The following EYS variants were observed in gnomAD, a reference collection of about 807,000 sequenced individuals.
The protein encoded by EYS is protein eyes shut homolog.
EYS carries 250 observed loss-of-function variants against 282.1 expected under a neutral mutation model. The ratio of observed to expected loss-of-function variants is 0.89; its 90% confidence interval spans 0.80 to 0.98. The LOEUF (loss-of-function observed/expected upper bound fraction) is 0.98, where lower values mean the gene tolerates loss of function less well. Among genes scored for constraint, EYS ranks in the 50% least tolerant of loss-of-function variants. The pLI is 0.00. For missense variants in EYS, 4,016 were observed against 3,709.0 expected, an observed-to-expected ratio of 1.08 and a Z score of -2.15; for synonymous variants, 1,355 against 1,282.9, an observed-to-expected ratio of 1.06 and a Z score of -1.20.
At chr6:64,144,443 T>C (rs74424751) in intron 31 of EYS, among the ~76,000 whole-genome samples, 4,267 of 152,210 alleles carry the variant, frequency 0.028, 63 homozygotes, top group Non-Finnish European at 0.045. Context: ...ACTGGTCCTG[T>C]TTTATGCACT....
chr6:65,207,081 AATT>A (rs959936074), intron 12 of EYS, among the ~76,000 whole-genome samples: 23 of 151,804 alleles, frequency 1.5e-4, no homozygotes, highest in African/African-American at 5.6e-4. Context: ...CAGGAAGTCA[AATT>A]ATCTCTATTC....
intron 13 of EYS, among the ~76,000 whole-genome samples, chr6:64,999,746 A>G (rs1771401049): frequency 6.6e-6 from 1 of 152,180 alleles, no homozygotes; most frequent in Non-Finnish European, 1.5e-5. Context: ...AGGTGGCTGC[A>G]CATCAGGAGG....
At chr6:65,341,179 C>T (rs1239757861) in intron 10 of EYS, among the ~76,000 whole-genome samples, 1 of 151,120 alleles carries the variant, frequency 6.6e-6, no homozygotes, top group East Asian at 1.9e-4. Flanking sequence ...CAGATGATCA[C>T]ATCACTCTGG....
intron 12 of EYS, among the ~76,000 whole-genome samples, chr6:65,142,192 A>C (rs1486431534): frequency 6.6e-6 from 1 of 152,032 alleles, no homozygotes; most frequent in East Asian, 1.9e-4. Context: ...GTACCCCTCA[A>C]ATATACACAA....
intron 28 of EYS, among the ~76,000 whole-genome samples, chr6:64,433,698 A>C (rs1774644780): frequency 6.6e-6 from 1 of 152,070 alleles, no homozygotes; most frequent in South Asian, 2.1e-4. Context: ...AGTATTCTTA[A>C]AAGTGACATT....
At chr6:65,318,297 C>T (rs527309634) in intron 11 of EYS, among the ~76,000 whole-genome samples, 15 of 151,640 alleles carry the variant, frequency 9.9e-5, no homozygotes, top group Non-Finnish European at 2.9e-5. Context: ...GAGAGAGCGA[C>T]AAAGACACAA....
chr6:63,777,144 G>T (rs1222338123), intron 40 of EYS, among the ~76,000 whole-genome samples: 1 of 152,160 alleles, frequency 6.6e-6, no homozygotes, highest in Non-Finnish European at 1.5e-5. Context: ...AAATTTTACT[G>T]TGACTAGCAG....
intron 22 of EYS, among the ~76,000 whole-genome samples, chr6:64,700,505 T>C (rs1202814957): frequency 6.6e-6 from 1 of 152,010 alleles, no homozygotes; most frequent in Non-Finnish European, 1.5e-5. Flanking sequence ...GCAAAAGCTT[T>C]CTAGATTTGA....
intron 35 of EYS, among the ~76,000 whole-genome samples, chr6:63,955,635 TA>T (rs34534751): frequency 1.3e-5 from 2 of 152,022 alleles, no homozygotes; most frequent in African/African-American, 4.8e-5. Flanking sequence ...ACTTACTGCT[TA>T]AAAAAAGAGG....
chr6:65,490,700 A>G lies in EYS; in HGVS notation c.756T>C (p.Asn252=). The change falls in exon 5 of 43, where the codon AAT becomes AAC. Residue 252 remains asparagine (N), a synonymous_variant. Transcript: ENST00000503581. ...CVCHPPFTGK[N]CSEIIGQCQP... is the part of the protein sequence containing the mutation. Reference sequence around the variant, plus strand: ...GACACTGGCCAATTATTTCTGAGCAATTCTTTCCTATAACAATGAAAAAAA... The same window carrying G: ...GACACTGGCCAATTATTTCTGAGCAGTTCTTTCCTATAACAATGAAAAAAA... 2 of 1,608,148 alleles carry G rather than the reference A, an allele frequency of 1.2e-6. No homozygotes were observed. Among genetic ancestry groups the G allele is most frequent in the Non-Finnish European group, 1.7e-6 (2 of 1,175,032 alleles).
intron 13 of EYS, among the ~76,000 whole-genome samples, chr6:65,027,057 A>C (rs1289432745): frequency 6.7e-6 from 1 of 150,278 alleles, no homozygotes; most frequent in Non-Finnish European, 1.5e-5. Context: ...CTTGGCTACC[A>C]TTTATAATTT....
At position 64,686,431 on chromosome 6, in the gene EYS, A is replaced by G. The variant is rs539075939; in HGVS notation, c.3444-60186T>C. Among the ~76,000 whole-genome samples, 9 of 152,012 alleles carry G rather than the reference A, an allele frequency of 5.9e-5. No homozygotes were observed. In the South Asian group the frequency reaches 1.9e-3, roughly 31 times the overall value. ...TTACCAATATGATAAATGAAATAGA[A>G]TTATATAAATATTAAAATGATTATA... is the stretch of plus-strand genomic sequence containing the variant. On this transcript the variant is annotated intron_variant, in intron 22 of 42. Transcript: ENST00000503581.
intron 5 of EYS, among the ~76,000 whole-genome samples, chr6:65,418,841 G>GA (rs559770691): frequency 7.9e-5 from 12 of 151,982 alleles, no homozygotes; most frequent in African/African-American, 2.9e-4. Flanking sequence ...GAAATAAAGA[G>GA]AAAAAATCTG....
chr6:64,455,124 C>G (rs1775510522), intron 26 of EYS, among the ~76,000 whole-genome samples: 1 of 152,056 alleles, frequency 6.6e-6, no homozygotes, highest in South Asian at 2.1e-4. Flanking sequence ...GTTACCCAGG[C>G]TGATGTTGAA....
chr6:65,686,466 C>T (rs575001253), intron 1 of EYS, among the ~76,000 whole-genome samples: 9 of 152,112 alleles, frequency 5.9e-5, no homozygotes, highest in Non-Finnish European at 1.2e-4. Context: ...GTAGTGGAGT[C>T]GACGCGATTA....
chr6:64,686,901 G>A (rs201320351), intron 22 of EYS, among the ~76,000 whole-genome samples: 14,443 of 31,850 alleles, frequency 0.45, 6,215 homozygotes, highest in Non-Finnish European at 0.71. Flanking sequence ...ATATATATGT[G>A]TATATATATA....
At chr6:65,620,641 T>G (rs1338001665) in intron 2 of EYS, among the ~76,000 whole-genome samples, 2 of 150,672 alleles carry the variant, frequency 1.3e-5, no homozygotes, top group East Asian at 3.9e-4. Flanking sequence ...TTAATTGTGA[T>G]GTTAGGGTGT....
At chr6:64,298,661 G>C (rs1368323055) in intron 30 of EYS, among the ~76,000 whole-genome samples, 1 of 152,002 alleles carries the variant, frequency 6.6e-6, no homozygotes, top group Non-Finnish European at 1.5e-5. Flanking sequence ...CAAAATAGCA[G>C]AAGTAAATAG....
At chr6:63,788,573 T>C (rs1037263513) in intron 38 of EYS, among the ~76,000 whole-genome samples, 1 of 152,156 alleles carries the variant, frequency 6.6e-6, no homozygotes. Context: ...GAGTCCTTTA[T>C]CAAAAATTAG....
Sources: allele counts gnomAD v4.1 joint callset (sites outside exome capture counted in the v4.1 genomes callset), GRCh38; gene constraint gnomAD v4.1.1; transcripts MANE v1.5; gene names NCBI Gene and HGNC (gene_info 2026-07-23, HGNC 2026-07-21).